LRSAM1: variants seen among roughly 807,000 people sequenced by gnomAD.
LRSAM1 encodes the protein leucine rich repeat and sterile alpha motif containing 1.
A neutral mutation model predicts 118.1 loss-of-function variants in LRSAM1; 96 were observed. The ratio of observed to expected loss-of-function variants is 0.81; its 90% confidence interval spans 0.69 to 0.96. The LOEUF is 0.96. Ranked by LOEUF, LRSAM1 falls within the 40% of genes least tolerant of loss-of-function variation. The probability of loss-of-function intolerance (pLI) is 0.00; values close to 1 mark genes in which losing one functional copy is unlikely to be tolerated. For missense variants in LRSAM1, 804 were observed against 915.5 expected (o/e 0.88, Z 1.57); for synonymous variants, 322 against 364.2 (o/e 0.88, Z 1.32).
chr9:127,459,321 C>T (rs540406305), intron 7 of LRSAM1, among the ~76,000 whole-genome samples: 7 of 150,120 alleles, frequency 4.7e-5, no homozygotes, highest in African/African-American at 9.8e-5. Context: ...CGAGTTCAAG[C>T]GATTCTCCTG....
chr9:127,459,118 C>T (rs534783295), intron 7 of LRSAM1, 47 bp downstream of exon 7: 2 of 1,565,466 alleles, frequency 1.3e-6, no homozygotes, highest in African/African-American at 2.7e-5. Flanking sequence ...CTTAGTGAGA[C>T]CAGGCAGTCA....
chr9:127,458,790 G>A (rs1019996041), intron 6 of LRSAM1, among the ~76,000 whole-genome samples: 5 of 152,096 alleles, frequency 3.3e-5, no homozygotes, highest in African/African-American at 4.8e-5. Context: ...TCAGTTAACA[G>A]TAAAAATAAA....
intron 12 of LRSAM1, 46 bp from the exon 13 acceptor site, chr9:127,479,337 T>C: frequency 6.2e-7 from 1 of 1,613,340 alleles, no homozygotes; most frequent in African/African-American, 1.3e-5. Flanking sequence ...GTGTCCTAAC[T>C]CCCCCAGGGC....
At chr9:127,494,576 A>C (rs946149152) in intron 21 of LRSAM1, among the ~76,000 whole-genome samples, 1 of 152,260 alleles carries the variant, frequency 6.6e-6, no homozygotes, top group Non-Finnish European at 1.5e-5. Context: ...TGTTATCAGC[A>C]TTGTTTGTTC....
intron 10 of LRSAM1, 135 bp downstream of exon 10, chr9:127,467,965 C>G: frequency 1.2e-6 from 1 of 823,336 alleles, no homozygotes. Context: ...CGAGGTCTGG[C>G]AAGGGAAACA....
chr9:127,485,521 A>G (rs1401840679), intron 16 of LRSAM1, among the ~76,000 whole-genome samples: 1 of 152,180 alleles, frequency 6.6e-6, no homozygotes, highest in Non-Finnish European at 1.5e-5. Context: ...GCACCACTGC[A>G]CTCCAGCCTG....
At chr9:127,453,238 C>A (rs185181965) in intron 2 of LRSAM1, among the ~76,000 whole-genome samples, 1 of 152,110 alleles carries the variant, frequency 6.6e-6, no homozygotes, top group African/African-American at 2.4e-5. Flanking sequence ...CATATCACCA[C>A]GCCCAGCTTC....
chr9:127,458,886 G>A, intron 6 of LRSAM1, 117 bp from the exon 7 acceptor site: 1 of 887,470 alleles, frequency 1.1e-6, no homozygotes, highest in Non-Finnish European at 1.9e-6. Flanking sequence ...AGGAGTGGCA[G>A]GCACTCTGTT....
At chr9:127,500,097 A>T (rs993511943) in intron 24 of LRSAM1, among the ~76,000 whole-genome samples, 18 of 152,058 alleles carry the variant, frequency 1.2e-4, no homozygotes, top group South Asian at 2.1e-4. Context: ...ACGTTGGCTC[A>T]CGCCTGTAAT....
At chr9:127,501,211 AG>A in intron 25 of LRSAM1, 68 bp downstream of exon 25, 1 of 1,577,718 alleles carries the variant, frequency 6.3e-7, no homozygotes, top group South Asian at 1.1e-5. Context: ...CTGCAGGTAC[AG>A]GGTTGTCTCT....
chr9:127,501,924 T>C (rs1195920677), intron 25 of LRSAM1, among the ~76,000 whole-genome samples: 1 of 152,202 alleles, frequency 6.6e-6, no homozygotes, highest in Non-Finnish European at 1.5e-5. Context: ...GATGGACCTA[T>C]TGGTTCCAAA....
intron 24 of LRSAM1, among the ~76,000 whole-genome samples, chr9:127,499,048 T>C: frequency 7.5e-6 from 1 of 132,608 alleles, no homozygotes; most frequent in Admixed American, 7.4e-5. Context: ...CAAGTGAAAC[T>C]CTGTCTCAAA....
chr9:127,467,892 T>C, intron 10 of LRSAM1, 62 bp downstream of exon 10: 10 of 1,486,446 alleles, frequency 6.7e-6, no homozygotes, highest in Non-Finnish European at 9.1e-6. Flanking sequence ...GGCCACCCTG[T>C]GCCAGCCCAG....
At position 127,458,988 on chromosome 9, in the gene LRSAM1, G is replaced by A; in HGVS notation, c.253-15G>A. On this transcript the variant is annotated splice_polypyrimidine_tract_variant and intron_variant, in intron 6 of 25. Coordinates refer to ENST00000300417, the MANE Select transcript of LRSAM1 (RefSeq NM_001005373.4). ...CTTTCTCACTTGGAGACTCACAGGG[G>A]TCTTTCTTCTGCAGGTTCTAGATCT... 6.2e-7 allele frequency: 1 copy of A among 1,613,300 alleles called. No individual in the cohort carries two copies. The highest frequency in any genetic ancestry group is 8.5e-7 in the Non-Finnish European group (1 of 1,179,968).
chr9:127,488,599 CTTT>C (rs111724344), intron 18 of LRSAM1, among the ~76,000 whole-genome samples: 3 of 143,502 alleles, frequency 2.1e-5, no homozygotes, highest in Admixed American at 7.0e-5. Context: ...CTTTTCTTTT[CTTT>C]TTTTTTTTTT....
At chr9:127,489,575 C>T in intron 19 of LRSAM1, 57 bp downstream of exon 19, 2 of 1,555,484 alleles carry the variant, frequency 1.3e-6, no homozygotes, top group East Asian at 2.3e-5. Context: ...GCAGAGTGGC[C>T]CTCCAGGGCG....
intron 7 of LRSAM1, 30 bp downstream of exon 7, chr9:127,459,101 G>A (rs374918675): frequency 1.6e-5 from 25 of 1,609,134 alleles, no homozygotes; most frequent in Non-Finnish European, 1.9e-5. Context: ...AACCCACCTC[G>A]GATGGCCTTA....
At chr9:127,477,604 GC>G in intron 11 of LRSAM1, among the ~76,000 whole-genome samples, 1 of 151,772 alleles carries the variant, frequency 6.6e-6, no homozygotes, top group Admixed American at 6.6e-5. Context: ...CAAAAAATTA[GC>G]CAGGCATGGT....
intron 21 of LRSAM1, 50 bp downstream of exon 21, chr9:127,492,947 T>C: frequency 1.3e-6 from 2 of 1,509,440 alleles, no homozygotes; most frequent in Non-Finnish European, 9.2e-7. Flanking sequence ...TTGCTTTTCT[T>C]TAACAGACTT....
Sources: allele counts gnomAD v4.1 joint callset (sites outside exome capture counted in the v4.1 genomes callset), GRCh38; gene constraint gnomAD v4.1.1; transcripts MANE v1.5; gene names NCBI Gene and HGNC (gene_info 2026-07-23, HGNC 2026-07-21).